The following CERS4 variants were observed in gnomAD, a reference collection of about 807,000 sequenced individuals.
The protein encoded by CERS4 is ceramide synthase 4, also known as LAG1 homolog, ceramide synthase 4.
Under a neutral mutation model 51.8 loss-of-function variants are expected in CERS4, and 65 were observed. That is an observed-to-expected ratio of 1.26 (90% CI 1.03 to 1.54). The LOEUF (loss-of-function observed/expected upper bound fraction) is 1.54. Among genes scored for constraint, CERS4 ranks in the 40% most tolerant of loss-of-function variants. The pLI, the probability that CERS4 is intolerant of heterozygous loss-of-function variation, is 0.00. For missense variants in CERS4, 563 were observed against 500.4 expected (o/e 1.13, Z -1.19); for synonymous variants, 228 against 208.4 (o/e 1.09, Z -0.81).
intron 10 of CERS4, among the ~76,000 whole-genome samples, chr19:8,258,462 A>G (rs897507425): frequency 1.3e-5 from 2 of 152,102 alleles, no homozygotes; most frequent in Non-Finnish European, 2.9e-5. Context: ...TAATCCCAGC[A>G]CTTTGGGAGG....
intron 1 of CERS4, chr19:8,209,727 G>A (rs979559243): frequency 3.3e-5 from 5 of 152,444 alleles, no homozygotes; most frequent in Non-Finnish European, 7.3e-5. Flanking sequence ...CCGAGGACGC[G>A]GCTGTGAAAC....
chr19:8,245,129 A>AAAAAACAAAAAAAAACAAAC (rs1968720881), intron 2 of CERS4, among the ~76,000 whole-genome samples: 1 of 148,658 alleles, frequency 6.7e-6, no homozygotes, highest in South Asian at 2.1e-4. Flanking sequence ...AAAAAAAAAA[A>AAAAAACAAAAAAAAACAAAC]AAAAAACACT....
chr19:8,233,506 T>C lies in CERS4; in HGVS notation c.-1-17570T>C, dbSNP rs113412891. ...TTTATATTTAGCTCAGTGTTTATCA[T>C]TGTTATCTATGAAAGAGCTGGCCTG... On this transcript the variant is annotated intron_variant, in intron 2 of 11. Coordinates refer to ENST00000251363, the MANE Select transcript of CERS4 (RefSeq NM_024552.3). Among the ~76,000 whole-genome samples, 537 of 152,070 alleles carry C rather than the reference T, an allele frequency of 3.5e-3. 5 individuals are homozygous for C. The highest frequency in any genetic ancestry group is 0.012 in the African/African-American group (494 of 41,510).
intron 2 of CERS4, among the ~76,000 whole-genome samples, chr19:8,246,548 G>A (rs1968796699): frequency 6.6e-6 from 1 of 151,842 alleles, no homozygotes; most frequent in Admixed American, 6.6e-5. Flanking sequence ...GTGAGACCCT[G>A]TCTAAAAAAA....
rs34774744 is a variant in CERS4, at chr19:8,232,889, ATTTTTTTTTTTTT to A, written c.-1-18173_-1-18161del. ...AGGGAGACACCACCATGCCTCGCTG[ATTTTTTTTTTTTT>A]TTTTTTTTTTTTTGAAGTGGAGGTG... On this transcript the variant is annotated intron_variant, in intron 2 of 11. Coordinates refer to ENST00000251363, the MANE Select transcript of CERS4 (RefSeq NM_024552.3). Among the ~76,000 whole-genome samples, 73 of 59,232 alleles carry A rather than the reference ATTTTTTTTTTTTT, an allele frequency of 1.2e-3. 1 individual carries two copies. In the South Asian group the frequency reaches 0.03, roughly 24 times the overall value. 38.9% of individuals were successfully genotyped at this position (59,232 alleles called of 152,430 possible).
chr19:8,257,839 C>G lies in CERS4; in HGVS notation c.742-40C>G, dbSNP rs759139356. On this transcript the variant is annotated intron_variant, in intron 9 of 11. Transcript: ENST00000251363. ...TAGCACCTTCTCTTTGAGACCAGGG[C>G]CCTGGTCCTGAGCCCATTTCTCCCT... 4.6e-6 allele frequency: 7 copies of G among 1,515,388 alleles called. No individual in the cohort carries two copies. The Admixed American group carries it at 1.0e-4, about 22-fold the overall frequency. The allele number at this position is 1,515,388 out of a possible 1,614,324, so 93.9% of individuals were successfully genotyped here.
In CERS4 at chr19:8,256,251, G is replaced by C. The variant is rs565095092; in HGVS notation, c.484G>C (p.Ala162Pro). The change falls in exon 7 of 12, where the codon GCA becomes CCA. Residue 162 changes from alanine (A) to proline (P), a missense_variant. Ala to Pro is a conservative substitution (Grantham distance 27). Transcript: ENST00000251363. ...SVLYHESWLW[A>P]PVMCWDRYPN... ...TTCCCTGCAGGAGTCATGGCTGTGG[G>C]CACCAGTAATGTGCTGGGACAGGTA... The C allele has an allele frequency of 9.1e-5, 147 of 1,613,170 alleles. 1 individual carries two copies. In the South Asian group the frequency reaches 1.5e-3, roughly 16 times the overall value.
chr19:8,211,677 A>G (rs1416317977), intron 2 of CERS4, among the ~76,000 whole-genome samples: 1 of 152,068 alleles, frequency 6.6e-6, no homozygotes, highest in East Asian at 1.9e-4. Context: ...AGATCACCTA[A>G]GGTCAGGAGT....
chr19:8,247,770 G>T lies in CERS4; in HGVS notation c.-1-3306G>T, dbSNP rs1431933256. Among the ~76,000 whole-genome samples the T allele has an allele frequency of 1.7e-4, 23 of 135,196 alleles. No homozygotes were observed. The Admixed American group carries it at 1.9e-3, about 11-fold the overall frequency. The allele number at this position is 135,196 out of a possible 152,430, so 88.7% of individuals were successfully genotyped here. A position where few individuals can be genotyped will look rare whatever the true frequency, so the allele number is the denominator to read the frequency against. ...TTTTTTTAAGATGGAGTCTTGCTCT[G>T]TTGCCCAGTCTTGAGTGCAGTGGCA... On this transcript the variant is annotated intron_variant, in intron 2 of 11. Transcript: ENST00000251363.
At chr19:8,220,468 G>C (rs1471087404) in intron 2 of CERS4, among the ~76,000 whole-genome samples, 2 of 152,056 alleles carry the variant, frequency 1.3e-5, no homozygotes, top group Non-Finnish European at 2.9e-5. Flanking sequence ...CCATGCCCAG[G>C]TAATTTTTAT....
chr19:8,214,592 G>C (rs974773656), intron 2 of CERS4: 1 of 152,406 alleles, frequency 6.6e-6, no homozygotes, highest in Non-Finnish European at 1.5e-5. Flanking sequence ...GGAACCCCCA[G>C]TCCAACCACA....
chr19:8,232,101 A>G (rs568534385), intron 2 of CERS4, among the ~76,000 whole-genome samples: 73 of 151,890 alleles, frequency 4.8e-4, no homozygotes, highest in African/African-American at 1.7e-3. Flanking sequence ...AAGCAGTGGA[A>G]TTATAGGCAT....
chr19:8,220,844 C>T (rs1174834731), intron 2 of CERS4, among the ~76,000 whole-genome samples: 2 of 149,176 alleles, frequency 1.3e-5, no homozygotes, highest in Admixed American at 6.7e-5. Context: ...TTTTTTGAGA[C>T]GGAGTCTCGC....
chr19:8,244,139 C>T (rs1485953750), intron 2 of CERS4, among the ~76,000 whole-genome samples: 1 of 152,206 alleles, frequency 6.6e-6, no homozygotes, highest in Non-Finnish European at 1.5e-5. Flanking sequence ...ACTGCTGGCT[C>T]TGAAGATGGA....
chr19:8,245,122 A>AAAAACAAAAACAAAAAAAC (rs1555777239), intron 2 of CERS4, among the ~76,000 whole-genome samples: 24 of 129,256 alleles, frequency 1.9e-4, no homozygotes, highest in Admixed American at 2.3e-4. Context: ...AAAAAAAAAA[A>AAAAACAAAAACAAAAAAAC]AAAAAAAAAA....
intron 2 of CERS4, among the ~76,000 whole-genome samples, chr19:8,234,246 C>T (rs936047768): frequency 2.0e-5 from 3 of 151,864 alleles, no homozygotes; most frequent in Non-Finnish European, 4.4e-5. Context: ...GCAGAGCTTG[C>T]AGTGAACTGA....
chr19:8,214,533 GGAGTCATA>G (rs1967211483), intron 2 of CERS4: 1 of 152,684 alleles, frequency 6.5e-6, no homozygotes, highest in African/African-American at 2.4e-5. Context: ...AACTAAGCAA[GGAGTCATA>G]GAGTAGAGAG....
rs1018741352 is a variant in CERS4, at chr19:8,256,239, T to C, written c.472T>C (p.Ser158Pro). 6.2e-7 allele frequency: 1 copy of C among 1,612,154 alleles called. No individual in the cohort carries two copies. The highest frequency in any genetic ancestry group is 1.3e-5 in the African/African-American group (1 of 74,790). ...CCTGACACCCATTTCCCTGCAGGAGTCATGGCTGTGGGCACCAGTAATGTG... is the reference window on the plus strand; with the variant it reads ...CCTGACACCCATTTCCCTGCAGGAGCCATGGCTGTGGGCACCAGTAATGTG... Reference protein sequence around the residue: ...VGGLSVLYHESWLWAPVMCWD... With the variant: ...VGGLSVLYHEPWLWAPVMCWD... Residue 158 changes from serine (S) to proline (P), a missense_variant, in exon 7 of 12, where the codon TCA (serine) becomes CCA (proline). By Grantham distance (74) the Ser-to-Pro change is moderately conservative. Coordinates refer to ENST00000251363, the MANE Select transcript of CERS4 (RefSeq NM_024552.3).
At chr19:8,257,721 T>C (rs1430321590) in intron 9 of CERS4, among the ~76,000 whole-genome samples, 158 bp from the exon 10 acceptor site, 2 of 152,100 alleles carry the variant, frequency 1.3e-5, no homozygotes, top group Non-Finnish European at 1.5e-5. Flanking sequence ...TGAGCCACCA[T>C]GCCCAGCCTA....
Sources: allele counts gnomAD v4.1 joint callset (sites outside exome capture counted in the v4.1 genomes callset), GRCh38; gene constraint gnomAD v4.1.1; transcripts MANE v1.5; gene names NCBI Gene and HGNC (gene_info 2026-07-23, HGNC 2026-07-21).